The following SLC35F4 variants were observed in gnomAD, a reference collection of about 807,000 sequenced individuals.
SLC35F4 encodes the protein chromosome 14 open reading frame 36.
A neutral mutation model predicts 44.2 loss-of-function variants in SLC35F4; 24 were observed. The observed-to-expected ratio is 0.54, with a 90% confidence interval of 0.39 to 0.76. The LOEUF (loss-of-function observed/expected upper bound fraction) is 0.76, where lower values mean the gene tolerates loss of function less well. SLC35F4 is among the 30% of genes least tolerant of loss of function. The probability of loss-of-function intolerance (pLI) is 0.00; values close to 1 mark genes in which losing one functional copy is unlikely to be tolerated. For missense variants in SLC35F4, 562 were observed against 586.1 expected (o/e 0.96, Z 0.42); for synonymous variants, 238 against 223.6 (o/e 1.06, Z -0.57).
intron 1 of SLC35F4, among the ~76,000 whole-genome samples, chr14:57,759,438 G>A (rs570951660): frequency 4.6e-5 from 7 of 152,216 alleles, no homozygotes; most frequent in African/African-American, 1.7e-4. Flanking sequence ...AAATTAGCTA[G>A]GCATAGTGGT....
At chr14:57,579,674 A>G (rs768370954) in intron 4 of SLC35F4, among the ~76,000 whole-genome samples, 4 of 152,186 alleles carry the variant, frequency 2.6e-5, no homozygotes, top group Non-Finnish European at 5.9e-5. Context: ...TCTCAGAAGT[A>G]TGAACTCATT....
At chr14:57,629,948 A>AGG (rs2072684289) in intron 1 of SLC35F4, 1 of 503,602 alleles carries the variant, frequency 2.0e-6, no homozygotes, top group Non-Finnish European at 4.0e-6. Context: ...TTCTTCAGGA[A>AGG]TGTGGCCGAT....
chr14:57,969,483 G>GTACC (rs1555331833), intron 1 of SLC35F4, among the ~76,000 whole-genome samples: 1 of 152,106 alleles, frequency 6.6e-6, no homozygotes. Flanking sequence ...ATTTTTAAGT[G>GTACC]TACCTACATT....
In SLC35F4 at chr14:57,602,880, T is replaced by C. The variant is rs549314084; in HGVS notation, c.104-8756A>G. Among the ~76,000 whole-genome samples the C allele has an allele frequency of 5.9e-5, 9 of 152,324 alleles. No individual in the cohort carries two copies. In the South Asian group the frequency reaches 1.9e-3, roughly 32 times the overall value. ...TGTATCTCCCTCCAGCATCAAGCTT[T>C]AACCCCCAGTCCTGCCCAAGAATAA... is the stretch of plus-strand genomic sequence containing the variant. On this transcript the variant is annotated intron_variant, in intron 1 of 7. Transcript: ENST00000556826.
At chr14:57,946,500 A>T (rs1594644514) in intron 1 of SLC35F4, among the ~76,000 whole-genome samples, 1 of 113,006 alleles carries the variant, frequency 8.8e-6, no homozygotes, top group African/African-American at 3.6e-5. Context: ...TTTGAGACCG[A>T]GTCTCACTCT....
chr14:57,758,685 T>C (rs537813369), intron 1 of SLC35F4, among the ~76,000 whole-genome samples: 12 of 152,086 alleles, frequency 7.9e-5, no homozygotes, highest in African/African-American at 2.9e-4. Flanking sequence ...TTTTTGCTTA[T>C]TTTTAAGCGT....
chr14:57,565,374 C>T (rs1017014328), intron 7 of SLC35F4, among the ~76,000 whole-genome samples: 1 of 152,220 alleles, frequency 6.6e-6, no homozygotes, highest in Non-Finnish European at 1.5e-5. Context: ...TTGCAGGAAG[C>T]CTTTTGGATG....
intron 1 of SLC35F4, among the ~76,000 whole-genome samples, chr14:57,844,298 T>C (rs1371381100): frequency 3.3e-5 from 5 of 152,140 alleles, no homozygotes; most frequent in Admixed American, 2.6e-4. Context: ...CACACTTGCA[T>C]TTCCATGTGA....
intron 1 of SLC35F4, among the ~76,000 whole-genome samples, chr14:57,879,970 G>A (rs1420622950): frequency 2.0e-5 from 3 of 149,796 alleles, no homozygotes; most frequent in East Asian, 2.0e-4. Flanking sequence ...AAGGAAGGAC[G>A]GAAGAATGGA....
chr14:57,803,753 C>T (rs1489447617), intron 1 of SLC35F4, among the ~76,000 whole-genome samples: 1 of 151,876 alleles, frequency 6.6e-6, no homozygotes, highest in Non-Finnish European at 1.5e-5. Flanking sequence ...CCGTGCTTGG[C>T]TAATTTTTGT....
intron 1 of SLC35F4, among the ~76,000 whole-genome samples, chr14:57,721,282 C>T (rs1183412749): frequency 4.6e-5 from 7 of 151,934 alleles, no homozygotes; most frequent in Non-Finnish European, 8.8e-5. Flanking sequence ...AAAATAAATG[C>T]ATTTGACACT....
intron 1 of SLC35F4, among the ~76,000 whole-genome samples, chr14:57,756,821 A>C (rs1021884981): frequency 6.8e-6 from 1 of 146,182 alleles, no homozygotes; most frequent in African/African-American, 2.5e-5. Context: ...AATCTGCCTA[A>C]TTTTTTTTTT....
intron 1 of SLC35F4, among the ~76,000 whole-genome samples, chr14:57,946,134 T>C (rs1890021834): frequency 6.6e-6 from 1 of 152,202 alleles, no homozygotes; most frequent in Non-Finnish European, 1.5e-5. Flanking sequence ...TTTAATAAGG[T>C]TCCATCTATT....
At chr14:57,678,454 G>A (rs2074774473) in intron 1 of SLC35F4, among the ~76,000 whole-genome samples, 1 of 152,032 alleles carries the variant, frequency 6.6e-6, no homozygotes, top group South Asian at 2.1e-4. Context: ...TGAAGAAAAT[G>A]CATTAACTAA....
chr14:57,653,167 T>C (rs1383674946), intron 1 of SLC35F4, among the ~76,000 whole-genome samples: 2 of 152,170 alleles, frequency 1.3e-5, no homozygotes, highest in African/African-American at 4.8e-5. Flanking sequence ...CTTTAATAGT[T>C]ACTATTAAAT....
chr14:57,720,249 A>T (rs1161267331), intron 1 of SLC35F4, among the ~76,000 whole-genome samples: 1 of 152,042 alleles, frequency 6.6e-6, no homozygotes, highest in African/African-American at 2.4e-5. Flanking sequence ...TTTTTCTGAT[A>T]ATTTTTGCAT....
intron 1 of SLC35F4, among the ~76,000 whole-genome samples, chr14:57,654,407 G>T (rs2073891863): frequency 6.6e-6 from 1 of 152,148 alleles, no homozygotes; most frequent in African/African-American, 2.4e-5. Flanking sequence ...CCAGGTTGCT[G>T]CAAAAGACAT....
At chr14:57,614,370 T>G (rs1222355426) in intron 1 of SLC35F4, among the ~76,000 whole-genome samples, 1 of 152,184 alleles carries the variant, frequency 6.6e-6, no homozygotes, top group African/African-American at 2.4e-5. Flanking sequence ...GTTGGTGCCC[T>G]GGATATTTAT....
intron 1 of SLC35F4, among the ~76,000 whole-genome samples, chr14:57,857,206 G>T (rs911695023): frequency 6.6e-6 from 1 of 151,858 alleles, no homozygotes; most frequent in African/African-American, 2.4e-5. Flanking sequence ...GAACCTGGGA[G>T]GCGGAGGTTG....
Sources: allele counts gnomAD v4.1 joint callset (sites outside exome capture counted in the v4.1 genomes callset), GRCh38; gene constraint gnomAD v4.1.1; transcripts MANE v1.5; gene names NCBI Gene and HGNC (gene_info 2026-07-23, HGNC 2026-07-21).